The following IQCM variants were observed in gnomAD, a reference collection of about 807,000 sequenced individuals.
IQCM encodes the protein IQ domain-containing protein M.
A neutral mutation model predicts 57.6 loss-of-function variants in IQCM; 45 were observed. The ratio of observed to expected loss-of-function variants is 0.78; its 90% confidence interval spans 0.62 to 1.00. The LOEUF is 1.00. Ranked by LOEUF, IQCM falls within the 50% of genes least tolerant of loss-of-function variation. The pLI, the probability that IQCM is intolerant of heterozygous loss-of-function variation, is 0.00. For missense variants in IQCM, 468 were observed against 511.6 expected (o/e 0.91, Z 0.82); for synonymous variants, 148 against 158.9 (o/e 0.93, Z 0.51).
intron 2 of IQCM, among the ~76,000 whole-genome samples, chr4:149,746,312 A>G (rs373941610): frequency 6.6e-6 from 1 of 152,100 alleles, no homozygotes; most frequent in East Asian, 1.9e-4. Flanking sequence ...ATTTTTGTCT[A>G]CCACATCCAA....
At chr4:149,372,310 C>T (rs1730420173) in intron 13 of IQCM, among the ~76,000 whole-genome samples, 1 of 152,034 alleles carries the variant, frequency 6.6e-6, no homozygotes. Context: ...TTTATGAACT[C>T]ATAGACTGTA....
intron 12 of IQCM, among the ~76,000 whole-genome samples, chr4:149,538,864 G>A (rs993221609): frequency 7.9e-5 from 12 of 151,656 alleles, no homozygotes; most frequent in African/African-American, 2.7e-4. Context: ...ATGCCATTAA[G>A]AAAATAAAAA....
intron 12 of IQCM, among the ~76,000 whole-genome samples, chr4:149,466,226 G>A (rs542960440): frequency 6.6e-6 from 1 of 152,218 alleles, no homozygotes; most frequent in Non-Finnish European, 1.5e-5. Flanking sequence ...CAACTAGGCT[G>A]TAAGCCAGTT....
At chr4:149,470,197 A>G (rs527529899) in intron 12 of IQCM, among the ~76,000 whole-genome samples, 5 of 152,286 alleles carry the variant, frequency 3.3e-5, no homozygotes, top group African/African-American at 1.2e-4. Context: ...TGAAGAGTCA[A>G]GACCCATCAG....
At chr4:149,554,511 T>C (rs1217925798) in intron 10 of IQCM, among the ~76,000 whole-genome samples, 1 of 151,952 alleles carries the variant, frequency 6.6e-6, no homozygotes, top group Non-Finnish European at 1.5e-5. Flanking sequence ...AGGTGGAGTT[T>C]CACCATGTTA....
intron 12 of IQCM, among the ~76,000 whole-genome samples, chr4:149,509,047 G>A (rs1032399538): frequency 1.3e-5 from 2 of 152,282 alleles, no homozygotes; most frequent in Non-Finnish European, 2.9e-5. Flanking sequence ...GACCTTACCA[G>A]CCACATGAAA....
At chr4:149,369,416 A>T (rs1336007345) in intron 13 of IQCM, among the ~76,000 whole-genome samples, 1 of 152,140 alleles carries the variant, frequency 6.6e-6, no homozygotes, top group Non-Finnish European at 1.5e-5. Context: ...AACATAAGGA[A>T]GAGGCCCATC....
intron 13 of IQCM, among the ~76,000 whole-genome samples, chr4:149,389,893 C>A (rs531519582): frequency 6.6e-6 from 1 of 151,910 alleles, no homozygotes; most frequent in Non-Finnish European, 1.5e-5. Context: ...AATCAAGAAT[C>A]CTCCAATTCA....
chr4:149,431,470 T>C (rs952736149), intron 13 of IQCM, among the ~76,000 whole-genome samples: 4 of 152,020 alleles, frequency 2.6e-5, no homozygotes, highest in African/African-American at 9.7e-5. Flanking sequence ...AATGCTTCTC[T>C]TTTAATTTTG....
chr4:149,399,950 A>G (rs1469033059), intron 13 of IQCM, among the ~76,000 whole-genome samples: 4 of 151,902 alleles, frequency 2.6e-5, no homozygotes, highest in African/African-American at 9.7e-5. Context: ...TTAAGGGTGG[A>G]CACACACACA....
At chr4:149,649,490 C>A (rs564074031) in intron 7 of IQCM, among the ~76,000 whole-genome samples, 35 of 151,852 alleles carry the variant, frequency 2.3e-4, no homozygotes, top group African/African-American at 7.2e-4. Flanking sequence ...TGTGGGGTTC[C>A]CCTACTATTT....
intron 2 of IQCM, among the ~76,000 whole-genome samples, chr4:149,814,434 T>A (rs1774865403): frequency 6.6e-6 from 1 of 151,998 alleles, no homozygotes; most frequent in Admixed American, 6.6e-5. Flanking sequence ...CAGTCCATTC[T>A]GAAAGAACAA....
At chr4:149,390,874 T>C (rs527850344) in intron 13 of IQCM, among the ~76,000 whole-genome samples, 4 of 151,926 alleles carry the variant, frequency 2.6e-5, no homozygotes, top group Admixed American at 2.6e-4. Flanking sequence ...GTCTGTAGTT[T>C]TGTTTTGTTT....
At chr4:149,613,440 C>A (rs1333498533) in intron 8 of IQCM, among the ~76,000 whole-genome samples, 1 of 151,812 alleles carries the variant, frequency 6.6e-6, no homozygotes, top group Non-Finnish European at 1.5e-5. Context: ...TCATTTTTAC[C>A]AAAATGATTC....
At chr4:149,489,662 T>A (rs1162754743) in intron 12 of IQCM, among the ~76,000 whole-genome samples, 2 of 151,930 alleles carry the variant, frequency 1.3e-5, no homozygotes, top group Non-Finnish European at 2.9e-5. Flanking sequence ...GAAACGTTAA[T>A]TACAGCCACC....
At chr4:149,434,579 T>C (rs1735171216) in intron 12 of IQCM, among the ~76,000 whole-genome samples, 1 of 152,136 alleles carries the variant, frequency 6.6e-6, no homozygotes, top group Admixed American at 6.6e-5. Flanking sequence ...TCATATTTTC[T>C]GGCACAGTGA....
At chr4:149,603,554 T>C (rs543563062) in intron 8 of IQCM, among the ~76,000 whole-genome samples, 4 of 152,160 alleles carry the variant, frequency 2.6e-5, no homozygotes, top group Non-Finnish European at 5.9e-5. Flanking sequence ...GTCCCTATGA[T>C]AGACTCAATC....
intron 12 of IQCM, among the ~76,000 whole-genome samples, chr4:149,435,616 C>T (rs966941746): frequency 6.0e-5 from 9 of 150,740 alleles, no homozygotes; most frequent in African/African-American, 1.9e-4. Context: ...ATGTCCTTCA[C>T]GAGCTATTCC....
At chr4:149,569,440 GA>G (rs540863634) in intron 9 of IQCM, among the ~76,000 whole-genome samples, 2 of 151,644 alleles carry the variant, frequency 1.3e-5, no homozygotes, top group Admixed American at 6.6e-5. Context: ...AATCCATATG[GA>G]AAAAAAATAT....
Sources: allele counts gnomAD v4.1 joint callset (sites outside exome capture counted in the v4.1 genomes callset), GRCh38; gene constraint gnomAD v4.1.1; transcripts MANE v1.5; gene names NCBI Gene and HGNC (gene_info 2026-07-23, HGNC 2026-07-21).